Variants in ANTXR2 observed in about 807,000 individuals in gnomAD.
ANTXR2 encodes the protein ANTXR cell adhesion molecule 2, also known as anthrax toxin receptor 2.
ANTXR2 carries 44 observed loss-of-function variants against 73.7 expected under a neutral mutation model. The observed-to-expected ratio is 0.60, with a 90% CI of 0.47 to 0.77. The LOEUF is 0.77. Ranked by LOEUF, ANTXR2 falls within the 30% of genes least tolerant of loss-of-function variation. The pLI, the probability that ANTXR2 is intolerant of heterozygous loss-of-function variation, is 0.00. For synonymous variants in ANTXR2, 217 were observed against 205.9 expected (o/e 1.05, Z -0.46); for missense variants, 604 against 592.5 (o/e 1.02, Z -0.20).
At chr4:79,989,721 C>T (rs1441196378) in intron 12 of ANTXR2, among the ~76,000 whole-genome samples, 2 of 151,984 alleles carry the variant, frequency 1.3e-5, no homozygotes, top group Non-Finnish European at 2.9e-5. Context: ...AACATAGACC[C>T]AAAAATCCTC....
intron 16 of ANTXR2, among the ~76,000 whole-genome samples, chr4:79,932,792 CAAAAAAAAAA>C (rs57359650): frequency 7.6e-5 from 4 of 52,368 alleles, no homozygotes; most frequent in South Asian, 1.0e-3. Context: ...AACTCCATCT[CAAAAAAAAAA>C]AAAAAAAAAA....
At chr4:79,966,604 C>T (rs1197503933) in intron 16 of ANTXR2, among the ~76,000 whole-genome samples, 1 of 151,964 alleles carries the variant, frequency 6.6e-6, no homozygotes, top group East Asian at 1.9e-4. Flanking sequence ...CAAAAAAGAA[C>T]TGAAATTTAA....
chr4:79,926,048 G>A (rs4690110), intron 16 of ANTXR2, among the ~76,000 whole-genome samples: 120,742 of 152,062 alleles, frequency 0.79, 48,214 homozygotes, highest in East Asian at 1. Context: ...ACCTTGGAAT[G>A]ATTGTACATC....
At chr4:80,024,125 G>A (rs1383242332) in intron 10 of ANTXR2, among the ~76,000 whole-genome samples, 1 of 152,164 alleles carries the variant, frequency 6.6e-6, no homozygotes, top group East Asian at 1.9e-4. Flanking sequence ...TTAGGAGTTA[G>A]AATAAAAAGG....
intron 16 of ANTXR2, among the ~76,000 whole-genome samples, chr4:79,911,733 A>G (rs1727148865): frequency 1.3e-5 from 2 of 151,980 alleles, no homozygotes; most frequent in Admixed American, 1.3e-4. Context: ...AATATATGTT[A>G]TTATTATGAA....
At chr4:80,038,958 A>C (rs1272634314) in intron 7 of ANTXR2, among the ~76,000 whole-genome samples, 1 of 152,130 alleles carries the variant, frequency 6.6e-6, no homozygotes, top group African/African-American at 2.4e-5. Context: ...TATACTATAC[A>C]GCACATTCAG....
chr4:79,937,673 A>T (rs561409797), intron 16 of ANTXR2, among the ~76,000 whole-genome samples: 1 of 152,242 alleles, frequency 6.6e-6, no homozygotes, highest in Non-Finnish European at 1.5e-5. Flanking sequence ...TTGAGCATCA[A>T]TTATGTACCC....
chr4:80,066,475 T>C (rs1353009083), intron 3 of ANTXR2, among the ~76,000 whole-genome samples: 2 of 152,236 alleles, frequency 1.3e-5, no homozygotes, highest in Non-Finnish European at 2.9e-5. Flanking sequence ...GAACCAACTA[T>C]GTATAAAACA....
At chr4:79,915,852 C>CTATATATA (rs1394190065) in intron 16 of ANTXR2, among the ~76,000 whole-genome samples, 6 of 115,594 alleles carry the variant, frequency 5.2e-5, no homozygotes, top group African/African-American at 8.7e-5. Context: ...CTCTCTCTCT[C>CTATATATA]TCTCTCTCTC....
intron 7 of ANTXR2, among the ~76,000 whole-genome samples, chr4:80,049,665 C>T (rs1230375075): frequency 1.3e-5 from 2 of 151,636 alleles, no homozygotes; most frequent in African/African-American, 2.4e-5. Flanking sequence ...CCCTCTTGTC[C>T]CCTCTGTAAA....
intron 10 of ANTXR2, chr4:80,024,661 C>A (rs61744630): frequency 0.094 from 41,964 of 447,480 alleles, 2,252 homozygotes; most frequent in Middle Eastern, 0.21. Flanking sequence ...ACTCAGGAGG[C>A]TGAAGTAGGA....
At chr4:80,029,797 A>C (rs956625104) in intron 10 of ANTXR2, among the ~76,000 whole-genome samples, 1 of 151,738 alleles carries the variant, frequency 6.6e-6, no homozygotes, top group Non-Finnish European at 1.5e-5. Context: ...CAAGAAGTAT[A>C]AAAGTGCAGG....
At chr4:79,922,255 T>A (rs754397367) in intron 16 of ANTXR2, among the ~76,000 whole-genome samples, 63 of 152,100 alleles carry the variant, frequency 4.1e-4, no homozygotes, top group Admixed American at 2.6e-4. Context: ...GGATTTATAC[T>A]GTAAACATAG....
chr4:79,929,822 T>A (rs866226470), intron 16 of ANTXR2, among the ~76,000 whole-genome samples: 21 of 152,366 alleles, frequency 1.4e-4, no homozygotes, highest in Middle Eastern at 6.8e-3. Context: ...CACATGTATA[T>A]AATAGTTTTC....
rs548133941 is a variant in ANTXR2 at position 79,945,193 on chromosome 4, T to C, written c.1428+32428A>G. 1.4e-3 allele frequency among the ~76,000 whole-genome samples: 209 copies of C among 152,120 alleles called. 1 individual carries two copies. The highest frequency in any genetic ancestry group is 2.4e-3 in the Non-Finnish European group (161 of 67,976). On this transcript the variant is annotated intron_variant, in intron 16 of 16. Transcript: ENST00000403729. ...AAATATGCATCAATTTCTTGCCCAA[T>C]AGAAGAACACTAAGTAGGTTAAGCA...
chr4:80,036,728 C>T (rs139950008), intron 7 of ANTXR2, among the ~76,000 whole-genome samples: 1 of 152,070 alleles, frequency 6.6e-6, no homozygotes, highest in African/African-American at 2.4e-5. Flanking sequence ...TTTAACACAG[C>T]AATGAGCCAA....
intron 2 of ANTXR2, among the ~76,000 whole-genome samples, 155 bp from the exon 3 acceptor site, chr4:80,069,662 CT>C (rs1734690757): frequency 6.6e-6 from 1 of 152,178 alleles, no homozygotes; most frequent in African/African-American, 2.4e-5. Flanking sequence ...ACGAACTCTG[CT>C]TAACATTGTT....
At chr4:79,948,767 G>T (rs1212441955) in intron 16 of ANTXR2, among the ~76,000 whole-genome samples, 1 of 152,086 alleles carries the variant, frequency 6.6e-6, no homozygotes, top group African/African-American at 2.4e-5. Context: ...GGAGAAGGAA[G>T]GGGAGGAGGA....
chr4:80,072,535 C>T lies in ANTXR2; in HGVS notation c.26G>A (p.Arg9His), dbSNP rs988002818. 4 of 1,587,530 alleles carry T rather than the reference C, an allele frequency of 2.5e-6. No homozygotes were observed. Among genetic ancestry groups the T allele is most frequent in the Non-Finnish European group, 3.4e-6 (4 of 1,168,674 alleles). Residue 9 changes from arginine to histidine, a missense_variant, in exon 1 of 17, where the codon CGC (arginine) becomes CAC (histidine). By Grantham distance (29) the Arg-to-His change is conservative. Coordinates refer to ENST00000403729, the MANE Select transcript of ANTXR2 (RefSeq NM_058172.6). ...GGGGAACAGCCAGCTCCCGGGGCTG[C>T]GGGCCGGGGACCGCTCCGCCACCAT... Reference protein sequence around the residue: MVAERSPARSPGSWLFPGL... With the variant: MVAERSPAHSPGSWLFPGL...
Sources: allele counts gnomAD v4.1 joint callset (sites outside exome capture counted in the v4.1 genomes callset), GRCh38; gene constraint gnomAD v4.1.1; transcripts MANE v1.5; gene names NCBI Gene and HGNC (gene_info 2026-07-23, HGNC 2026-07-21).